PPP4R1: variants seen among roughly 807,000 people sequenced by gnomAD.
The protein encoded by PPP4R1 is serine/threonine-protein phosphatase 4 regulatory subunit 1.
Under a neutral mutation model 111.2 loss-of-function variants are expected in PPP4R1, and 42 were observed. That is an observed-to-expected ratio of 0.38 (90% CI 0.29 to 0.49). The LOEUF (loss-of-function observed/expected upper bound fraction) is 0.49, where lower values mean the gene tolerates loss of function less well. Among genes scored for constraint, PPP4R1 ranks in the 20% least tolerant of loss-of-function variants. PPP4R1 has a pLI of 0.97. For synonymous variants in PPP4R1, 409 were observed against 405.5 expected, an observed-to-expected ratio of 1.01 and a Z score of -0.10; for missense variants, 1,012 against 1,161.6, an observed-to-expected ratio of 0.87 and a Z score of 1.87.
At chr18:9,581,352 A>G (rs1198660445) in intron 9 of PPP4R1, among the ~76,000 whole-genome samples, 1 of 152,190 alleles carries the variant, frequency 6.6e-6, no homozygotes, top group African/African-American at 2.4e-5. Flanking sequence ...TGCTGCATCA[A>G]CTAGAGTATA....
intron 2 of PPP4R1, among the ~76,000 whole-genome samples, chr18:9,601,215 T>TG (rs201754125): frequency 3.8e-5 from 5 of 130,234 alleles, no homozygotes; most frequent in Admixed American, 2.2e-4. Context: ...TTTTTTTTTT[T>TG]GGGGAAAAAA....
intron 9 of PPP4R1, among the ~76,000 whole-genome samples, chr18:9,582,430 G>C (rs962348939): frequency 6.6e-6 from 1 of 152,026 alleles, no homozygotes; most frequent in Non-Finnish European, 1.5e-5. Context: ...AAGTAACTTA[G>C]ATGAAATGTA....
intron 2 of PPP4R1, among the ~76,000 whole-genome samples, chr18:9,598,199 C>A (rs1349760353): frequency 6.6e-6 from 1 of 151,962 alleles, no homozygotes; most frequent in Non-Finnish European, 1.5e-5. Flanking sequence ...CTCCAAGCAT[C>A]CAAATATATG....
chr18:9,583,728 A>G (rs1028014288), intron 8 of PPP4R1, among the ~76,000 whole-genome samples: 2 of 152,114 alleles, frequency 1.3e-5, no homozygotes, highest in Non-Finnish European at 2.9e-5. Flanking sequence ...ATACTCAACA[A>G]TTTTCAATAA....
At chr18:9,610,691 C>G (rs1272257552) in intron 2 of PPP4R1, among the ~76,000 whole-genome samples, 2 of 152,082 alleles carry the variant, frequency 1.3e-5, no homozygotes, top group African/African-American at 4.8e-5. Context: ...GATCTCCTGA[C>G]CTCGTGATCC....
At position 9,614,473 on chromosome 18, in the gene PPP4R1, C is replaced by T. The variant is rs1163212707; in HGVS notation, c.7+5G>A. ...CCGCCGCCCGGAGAACAGGGGGCCA[C>T]GTACCCGCCATCTTGTGGTCGCCCC... On this transcript the variant is annotated splice_donor_5th_base_variant and intron_variant, in intron 1 of 19. Transcript: ENST00000400556. The surrounding 1 kb of genome is among the most constrained non-coding windows in gnomAD (Gnocchi z 4.1). The T allele has an allele frequency of 1.6e-4, 169 of 1,033,556 alleles. No homozygotes were observed. The highest frequency in any genetic ancestry group is 1.8e-4 in the Non-Finnish European group (159 of 861,938). The allele number at this position is 1,033,556 out of a possible 1,614,324, so 64.0% of individuals were successfully genotyped here.
chr18:9,550,575 G>A (rs1273342072), intron 16 of PPP4R1, 177 bp from the exon 17 acceptor site: 3 of 677,908 alleles, frequency 4.4e-6, no homozygotes, highest in African/African-American at 1.8e-5. Flanking sequence ...CTGTGTATCT[G>A]GAAATGCACT....
At chr18:9,555,993 C>CAAA (rs372094910) in intron 15 of PPP4R1, among the ~76,000 whole-genome samples, 5,865 of 120,430 alleles carry the variant, frequency 0.049, 139 homozygotes, top group Middle Eastern at 0.076. Flanking sequence ...AACAAACAAA[C>CAAA]AAACAAAAAA....
intron 17 of PPP4R1, 27 bp downstream of exon 17, chr18:9,550,251 C>A: frequency 6.2e-7 from 1 of 1,613,804 alleles, no homozygotes; most frequent in Non-Finnish European, 8.5e-7. Flanking sequence ...GTTTGCTGAT[C>A]TAAAATTTTA....
At chr18:9,594,994 T>G (rs2067268802) in intron 3 of PPP4R1, 24 bp downstream of exon 3, 1 of 1,606,420 alleles carries the variant, frequency 6.2e-7, no homozygotes, top group Non-Finnish European at 8.5e-7. Context: ...CACTTCCACT[T>G]TAACAAAAAG....
At chr18:9,564,371 T>C (rs1318200216) in intron 11 of PPP4R1, among the ~76,000 whole-genome samples, 2 of 152,240 alleles carry the variant, frequency 1.3e-5, no homozygotes, top group Non-Finnish European at 2.9e-5. Flanking sequence ...TATTTTAAGA[T>C]AATCTATTAT....
At chr18:9,555,358 T>A (rs2066555160) in intron 15 of PPP4R1, among the ~76,000 whole-genome samples, 1 of 151,564 alleles carries the variant, frequency 6.6e-6, no homozygotes, top group African/African-American at 2.4e-5. Context: ...AAATAGAAAA[T>A]CACTCTTTCA....
Position 9,578,689 on chromosome 18 carries a change from C to T in PPP4R1, c.919-1498G>A, listed in dbSNP as rs1418753537. Reference sequence around the variant, plus strand: ...ATTTACCTACTCTTGGAGAAGCATACATAAAAAATGACTCAATTGATTTTT... The same window carrying T: ...ATTTACCTACTCTTGGAGAAGCATATATAAAAAATGACTCAATTGATTTTT... On this transcript the variant is annotated intron_variant, in intron 9 of 19. Coordinates refer to ENST00000400556, the MANE Select transcript of PPP4R1 (RefSeq NM_001042388.3). Among the ~76,000 whole-genome samples, 11 of 151,944 alleles carry T rather than the reference C, an allele frequency of 7.2e-5. No homozygotes were observed. The East Asian group carries it at 2.1e-3, about 29-fold the overall frequency.
intron 6 of PPP4R1, among the ~76,000 whole-genome samples, chr18:9,586,931 A>G (rs534543965): frequency 6.6e-6 from 1 of 152,164 alleles, no homozygotes; most frequent in Non-Finnish European, 1.5e-5. Context: ...TCAAAAAAAA[A>G]CCCAGAAACT....
At chr18:9,603,290 G>C (rs1187197510) in intron 2 of PPP4R1, among the ~76,000 whole-genome samples, 1 of 126,066 alleles carries the variant, frequency 7.9e-6, no homozygotes, top group Non-Finnish European at 1.6e-5. Context: ...ATGATGTTAA[G>C]TATTATCTCA....
rs567301677 is a variant in PPP4R1, at chr18:9,602,225, T to TA, written c.53-7073dup. On this transcript the variant is annotated intron_variant, in intron 2 of 19. Transcript: ENST00000400556. ...TTTTTTAAATTTAAGAAAAAGTGCC[T>TA]AAAATGTAATAGTTTAAAAGTTGTG... Among the ~76,000 whole-genome samples the TA allele has an allele frequency of 9.9e-5, 15 of 152,026 alleles. 1 individual carries two copies. Among genetic ancestry groups the TA allele is most frequent in the African/African-American group, 3.4e-4 (14 of 41,478 alleles).
intron 2 of PPP4R1, among the ~76,000 whole-genome samples, chr18:9,602,974 GAC>G (rs2067416917): frequency 1.3e-5 from 2 of 152,164 alleles, no homozygotes; most frequent in Admixed American, 6.5e-5. Flanking sequence ...AGACTTTTAA[GAC>G]ACAGTGATAA....
At chr18:9,612,492 A>G (rs150983220) in intron 2 of PPP4R1, 1 of 152,320 alleles carries the variant, frequency 6.6e-6, no homozygotes, top group African/African-American at 2.4e-5. Context: ...TGAATTTTTC[A>G]CAGGTATGCC....
chr18:9,606,487 CA>C (rs1408077006), intron 2 of PPP4R1, among the ~76,000 whole-genome samples: 1 of 152,116 alleles, frequency 6.6e-6, no homozygotes, highest in Non-Finnish European at 1.5e-5. Flanking sequence ...TTATAGTCTC[CA>C]GCAACAGGTA....
Sources: gnomAD v4.1 joint callset for allele counts (sites outside exome capture counted in the v4.1 genomes callset) on GRCh38, gnomAD v4.1.1 for gene constraint, Gnocchi (gnomAD v3.1) non-coding constraint, MANE v1.5 for transcripts, NCBI Gene and HGNC (gene_info 2026-07-23, HGNC 2026-07-21) for gene names.